The following RGS6 variants were observed in gnomAD, a reference collection of about 807,000 sequenced individuals.
The protein encoded by RGS6 is regulator of G-protein signaling 6.
Under a neutral mutation model 78.5 loss-of-function variants are expected in RGS6, and 30 were observed. The observed-to-expected ratio is 0.38, with a 90% CI of 0.29 to 0.52. The LOEUF is 0.52. Ranked by LOEUF, RGS6 falls within the 20% of genes least tolerant of loss-of-function variation. RGS6 has a pLI of 0.85. For missense variants in RGS6, 495 were observed against 609.7 expected, an observed-to-expected ratio of 0.81 and a Z score of 1.98; for synonymous variants, 206 against 206.0, an observed-to-expected ratio of 1.00 and a Z score of 0.00.
chr14:72,175,275 T>C (rs1223483200), intron 2 of RGS6, among the ~76,000 whole-genome samples: 1 of 152,196 alleles, frequency 6.6e-6, no homozygotes, highest in Non-Finnish European at 1.5e-5. Context: ...TTAAGTATTC[T>C]AGCATAAGAG....
chr14:72,314,070 C>G (rs549858746), intron 2 of RGS6, among the ~76,000 whole-genome samples: 1 of 152,290 alleles, frequency 6.6e-6, no homozygotes, highest in South Asian at 2.1e-4. Flanking sequence ...TATGCTACTT[C>G]TTTCTTCATT....
At chr14:72,092,850 T>C (rs902236365) in intron 2 of RGS6, among the ~76,000 whole-genome samples, 19 of 152,196 alleles carry the variant, frequency 1.2e-4, no homozygotes, top group African/African-American at 4.1e-4. Context: ...AACAAACCAA[T>C]GTTGATAAAG....
chr14:72,264,197 C>T (rs1026350147), intron 2 of RGS6, among the ~76,000 whole-genome samples: 8 of 152,134 alleles, frequency 5.3e-5, no homozygotes, highest in Admixed American at 3.3e-4. Flanking sequence ...CAAGGGATCC[C>T]GAATTTATAT....
At chr14:72,195,708 A>C (rs2039935377) in intron 2 of RGS6, among the ~76,000 whole-genome samples, 1 of 152,248 alleles carries the variant, frequency 6.6e-6, no homozygotes, top group African/African-American at 2.4e-5. Context: ...CTTCCTGAGC[A>C]GCAAGTGATC....
At chr14:72,619,468 T>C in the RGS6 span, 1 of 1,348,252 alleles carries the variant, frequency 7.4e-7, no homozygotes, top group African/African-American at 1.5e-5. Flanking sequence ...CTTTGAACTT[T>C]GGCAATGCAG....
intron 3 of RGS6, among the ~76,000 whole-genome samples, chr14:72,378,395 C>A (rs1272635013): frequency 2.0e-5 from 3 of 150,378 alleles, no homozygotes; most frequent in Non-Finnish European, 4.4e-5. Context: ...GGAAAAAATA[C>A]AAAAGATCAA....
chr14:72,058,992 C>T (rs1459492080), intron 2 of RGS6, among the ~76,000 whole-genome samples: 3 of 152,144 alleles, frequency 2.0e-5, no homozygotes, highest in Admixed American at 6.5e-5. Flanking sequence ...CAACCTCTAC[C>T]TCCTGGGCTC....
At chr14:72,476,076 C>T (rs1246813933) in intron 10 of RGS6, among the ~76,000 whole-genome samples, 1 of 152,134 alleles carries the variant, frequency 6.6e-6, no homozygotes, top group Non-Finnish European at 1.5e-5. Flanking sequence ...ACATTGCATG[C>T]CCTTCAGTGT....
At chr14:72,337,866 A>C (rs1205570581) in intron 2 of RGS6, among the ~76,000 whole-genome samples, 1 of 152,246 alleles carries the variant, frequency 6.6e-6, no homozygotes, top group Non-Finnish European at 1.5e-5. Flanking sequence ...AGTCCATCAA[A>C]TGCTTCCCAG....
At chr14:72,054,328 G>C (rs555986800) in intron 2 of RGS6, among the ~76,000 whole-genome samples, 5 of 152,186 alleles carry the variant, frequency 3.3e-5, no homozygotes, top group Admixed American at 3.3e-4. Flanking sequence ...TATACCAGAG[G>C]CATCTTTGGC....
the RGS6 span, among the ~76,000 whole-genome samples, chr14:71,878,474 C>T: frequency 2.0e-4 from 30 of 152,308 alleles, no homozygotes; most frequent in South Asian, 4.1e-4. Flanking sequence ...GGCGTGGGAC[C>T]CTCCAAGCCA....
At chr14:72,603,684 A>G in the RGS6 span, among the ~76,000 whole-genome samples, 2 of 143,762 alleles carry the variant, frequency 1.4e-5, no homozygotes, top group African/African-American at 5.2e-5. Context: ...ATCAGGTGCT[A>G]TATGACAGGG....
In RGS6 at chr14:72,264,392, C is replaced by T. The variant is rs538147257; in HGVS notation, c.85-87703C>T. Among the ~76,000 whole-genome samples the T allele has an allele frequency of 2.6e-5, 4 of 152,318 alleles. No individual in the cohort carries two copies. The South Asian group carries it at 8.3e-4, about 32-fold the overall frequency. On this transcript the variant is annotated intron_variant, in intron 2 of 17. Transcript: ENST00000553525. ...TAAAGAACAAACTTTCAGCCAATAT[C>T]TTCACTTTGAGTGGTTACTGGGGGG...
At chr14:72,093,835 TAACAA>T (rs2095340479) in intron 2 of RGS6, among the ~76,000 whole-genome samples, 1 of 152,140 alleles carries the variant, frequency 6.6e-6, no homozygotes, top group Admixed American at 6.5e-5. Flanking sequence ...ATTTTATCCT[TAACAA>T]AGCAGTTTAT....
rs369593987 is a variant in RGS6 at position 72,476,749 on chromosome 14, A to G, written c.701A>G (p.Tyr234Cys). The change falls in exon 11 of 18, where the codon TAT becomes TGT. Residue 234 changes from tyrosine (Y) to cysteine (C), a missense_variant. Transcript: ENST00000553525. ...KNPQKVKKSV[Y>C]GVTEESQAQS... Reference sequence around the variant, plus strand: ...GCTTGCTTCTTCTCCTAGTCCGTGTATGGCGTGACTGAAGAGTCCCAGGCA... The same window carrying G: ...GCTTGCTTCTTCTCCTAGTCCGTGTGTGGCGTGACTGAAGAGTCCCAGGCA... 5.0e-6 allele frequency: 8 copies of G among 1,614,028 alleles called. No individual in the cohort carries two copies. Among genetic ancestry groups the G allele is most frequent in the Admixed American group, 3.3e-5 (2 of 60,010 alleles).
chr14:72,021,917 C>T (rs567546911), intron 2 of RGS6, among the ~76,000 whole-genome samples: 7 of 151,742 alleles, frequency 4.6e-5, no homozygotes, highest in African/African-American at 1.5e-4. Flanking sequence ...TTTTTCTGCT[C>T]CTCTCCTTCT....
At chr14:72,196,349 T>TC (rs907277133) in intron 2 of RGS6, among the ~76,000 whole-genome samples, 6 of 152,132 alleles carry the variant, frequency 3.9e-5, no homozygotes, top group African/African-American at 1.4e-4. Context: ...ACCTGGGATT[T>TC]CCCCTCCTCA....
chr14:72,129,242 A>G (rs1335639031), intron 2 of RGS6, among the ~76,000 whole-genome samples: 2 of 152,206 alleles, frequency 1.3e-5, no homozygotes, highest in Non-Finnish European at 2.9e-5. Flanking sequence ...CAGCTTTATG[A>G]AAGAAGGAAA....
At chr14:72,427,679 G>T (rs1044887379) in intron 3 of RGS6, among the ~76,000 whole-genome samples, 1 of 152,050 alleles carries the variant, frequency 6.6e-6, no homozygotes, top group Non-Finnish European at 1.5e-5. Flanking sequence ...TTGGCACCTG[G>T]ATCACAACCT....
Sources: gnomAD v4.1 joint callset for allele counts (sites outside exome capture counted in the v4.1 genomes callset) on GRCh38, gnomAD v4.1.1 for gene constraint, MANE v1.5 for transcripts, NCBI Gene and HGNC (gene_info 2026-07-23, HGNC 2026-07-21) for gene names.